Variants in UNC13C observed in about 807,000 individuals in gnomAD.
UNC13C encodes unc-13 homolog C.
A neutral mutation model predicts 245.4 loss-of-function variants in UNC13C; 174 were observed. That is an observed-to-expected ratio of 0.71 (90% CI 0.63 to 0.80). The LOEUF is 0.80. Ranked by LOEUF, UNC13C falls within the 30% of genes least tolerant of loss-of-function variation. The pLI is 0.00. For synonymous variants in UNC13C, 992 were observed against 895.1 expected (o/e 1.11, Z -1.93); for missense variants, 2,829 against 2,602.9 (o/e 1.09, Z -1.89).
At position 54,393,068 on chromosome 15, in the gene UNC13C, T is replaced by C. The variant is rs773753056; in HGVS notation, c.4734T>C (p.Pro1578=). 4 of 1,607,032 alleles carry C rather than the reference T, an allele frequency of 2.5e-6. No homozygotes were observed. In the Admixed American group the frequency reaches 6.9e-5, roughly 28 times the overall value. The change falls in exon 18 of 33, where the codon CCT becomes CCC. Residue 1578 remains proline (P), a synonymous_variant. Coordinates refer to ENST00000260323, the MANE Select transcript of UNC13C (RefSeq NM_001080534.3). The stretch of plus-strand genomic sequence containing the variant: ...AGCAGAGTAAGAAACAGGATATTCC[T>C]CGTGAAGATCAGGGACCAACCACCA... ...LTDPSKKQDI[P]REDQGPTTKN... is the part of the protein sequence containing the mutation.
chr15:54,610,956 A>C (rs1900060652), intron 30 of UNC13C, among the ~76,000 whole-genome samples: 1 of 152,206 alleles, frequency 6.6e-6, no homozygotes, highest in Non-Finnish European at 1.5e-5. Flanking sequence ...AGACAACTAT[A>C]CTTTTTTAAA....
intron 2 of UNC13C, among the ~76,000 whole-genome samples, chr15:54,096,527 T>C (rs1158347381): frequency 6.6e-6 from 1 of 152,188 alleles, no homozygotes; most frequent in Non-Finnish European, 1.5e-5. Context: ...ACTCTCACGC[T>C]TTCTTCAATA....
chr15:54,243,211 A>G (rs62010031), intron 7 of UNC13C, among the ~76,000 whole-genome samples: 25,973 of 136,104 alleles, frequency 0.19, 2,332 homozygotes, highest in Middle Eastern at 0.27. Flanking sequence ...TTCAGCTCCC[A>G]CTAATAAGTG....
At chr15:54,173,341 T>C (rs2033485966) in intron 4 of UNC13C, among the ~76,000 whole-genome samples, 1 of 152,102 alleles carries the variant, frequency 6.6e-6, no homozygotes, top group African/African-American at 2.4e-5. Context: ...CTGAGTGTTC[T>C]AATCAAAGAA....
In UNC13C at chr15:54,353,632, C is replaced by T. The variant is rs530077690; in HGVS notation, c.4713+15143C>T. On this transcript the variant is annotated intron_variant, in intron 17 of 32. Coordinates refer to ENST00000260323, the MANE Select transcript of UNC13C (RefSeq NM_001080534.3). ...CCTAAACCAATGGTCAATCATCTGG[C>T]CTCATTTACTTAACCTATCAGAAAC... Among the ~76,000 whole-genome samples, 5 of 152,264 alleles carry T rather than the reference C, an allele frequency of 3.3e-5. No homozygotes were observed. The South Asian group carries it at 1.0e-3, about 32-fold the overall frequency.
At chr15:54,513,196 C>G (rs1415768418) in intron 24 of UNC13C, among the ~76,000 whole-genome samples, 1 of 152,100 alleles carries the variant, frequency 6.6e-6, no homozygotes, top group South Asian at 2.1e-4. Flanking sequence ...GTTTTATATT[C>G]AGACTTGAAG....
At chr15:54,241,337 G>T (rs73411932) in intron 7 of UNC13C, among the ~76,000 whole-genome samples, 16,485 of 151,944 alleles carry the variant, frequency 0.11, 2,756 homozygotes, top group African/African-American at 0.36. Flanking sequence ...AGATCAAACC[G>T]GAGCCCTATT....
At chr15:54,307,529 C>T (rs780570204) in intron 13 of UNC13C, among the ~76,000 whole-genome samples, 2 of 151,880 alleles carry the variant, frequency 1.3e-5, no homozygotes, top group Non-Finnish European at 2.9e-5. Flanking sequence ...TAAAAGATAG[C>T]TCTTGTCTCT....
intron 17 of UNC13C, among the ~76,000 whole-genome samples, chr15:54,373,562 G>A (rs12902034): frequency 0.13 from 20,108 of 152,126 alleles, 1,593 homozygotes; most frequent in Middle Eastern, 0.2. Flanking sequence ...GTCCAGGCTT[G>A]CCACAAGCAG....
intron 26 of UNC13C, among the ~76,000 whole-genome samples, chr15:54,541,389 G>A (rs1896237566): frequency 6.6e-6 from 1 of 152,006 alleles, no homozygotes; most frequent in Non-Finnish European, 1.5e-5. Context: ...AGCATTATAG[G>A]GAGTCAATGA....
At chr15:54,244,977 C>T (rs2035954537) in intron 7 of UNC13C, among the ~76,000 whole-genome samples, 1 of 152,016 alleles carries the variant, frequency 6.6e-6, no homozygotes, top group South Asian at 2.1e-4. Flanking sequence ...GCCCAATTGC[C>T]CTAGCCGGAA....
the UNC13C span, among the ~76,000 whole-genome samples, chr15:53,873,865 CTCTT>C: frequency 3.4e-5 from 4 of 117,498 alleles, no homozygotes; most frequent in East Asian, 2.5e-4. Context: ...CTCTCTCTCT[CTCTT>C]TCTTTCTATC....
At chr15:54,068,813 C>A (rs948635847) in intron 2 of UNC13C, among the ~76,000 whole-genome samples, 3 of 152,136 alleles carry the variant, frequency 2.0e-5, no homozygotes, top group African/African-American at 4.8e-5. Context: ...TCTTTTTCCT[C>A]TTAACACTTT....
At position 54,014,201 on chromosome 15, in the gene UNC13C, A is replaced by G; in HGVS notation, c.1298A>G (p.Lys433Arg). The G allele has an allele frequency of 6.2e-7, 1 of 1,613,952 alleles. No homozygotes were observed. Among genetic ancestry groups the G allele is most frequent in the Non-Finnish European group, 8.5e-7 (1 of 1,179,848 alleles). The change falls in exon 2 of 33, where the codon AAG (lysine) becomes AGG (arginine). Residue 433 changes from lysine (K) to arginine (R), a missense_variant. Transcript: ENST00000260323. ...CAGACATATGAGAGCATGGCTATAA[A>G]GTTGTCTACTCCAGAGCCAAAAATC... ...SSQTYESMAI[K>R]LSTPEPKIKK... is the part of the protein sequence containing the mutation.
In UNC13C at chr15:54,015,306, G is replaced by T. The variant is rs759446695; in HGVS notation, c.2403G>T (p.Leu801=). The change falls in exon 2 of 33, where the codon CTG becomes CTT. Residue 801 remains leucine (L), a synonymous_variant. Transcript: ENST00000260323. ...GCTTCCCAAAATTTGGATCTACACT[G>T]CAGAGGGCTAAATCAGCCTTGGAAG... ...TFSFPKFGST[L]QRAKSALEVV... The T allele has an allele frequency of 1.2e-6, 2 of 1,613,746 alleles. No individual in the cohort carries two copies. The highest frequency in any genetic ancestry group is 1.1e-5 in the South Asian group (1 of 91,058).
chr15:53,983,154 A>G (rs897059012), intron 1 of UNC13C, among the ~76,000 whole-genome samples: 3 of 152,168 alleles, frequency 2.0e-5, no homozygotes, highest in Non-Finnish European at 4.4e-5. Context: ...AAGTACTGCT[A>G]CTTCGTTAAC....
chr15:54,234,725 A>G (rs970533910), intron 4 of UNC13C, among the ~76,000 whole-genome samples: 25 of 152,334 alleles, frequency 1.6e-4, no homozygotes, highest in Non-Finnish European at 3.7e-4. Context: ...GAAGTTCCAC[A>G]GATCTTACAT....
chr15:54,145,087 T>C (rs1372922480), intron 4 of UNC13C, among the ~76,000 whole-genome samples: 2 of 151,912 alleles, frequency 1.3e-5, no homozygotes, highest in Non-Finnish European at 2.9e-5. Context: ...CCACCGTGCC[T>C]GGCAAATAAT....
the UNC13C span, among the ~76,000 whole-genome samples, chr15:53,846,791 T>G: frequency 6.6e-6 from 1 of 152,160 alleles, no homozygotes; most frequent in Non-Finnish European, 1.5e-5. Context: ...AGGTAAGCCA[T>G]TTAATAATTC....
Sources: gnomAD v4.1 joint callset for allele counts (sites outside exome capture counted in the v4.1 genomes callset) on GRCh38, gnomAD v4.1.1 for gene constraint, MANE v1.5 for transcripts, NCBI Gene and HGNC (gene_info 2026-07-23, HGNC 2026-07-21) for gene names.